WDR41: variants seen among roughly 807,000 people sequenced by gnomAD.
WDR41 encodes the protein WD repeat domain 41.
WDR41 carries 63 observed loss-of-function variants against 69.3 expected under a neutral mutation model. The ratio of observed to expected loss-of-function variants is 0.91; its 90% CI spans 0.74 to 1.12. The LOEUF (loss-of-function observed/expected upper bound fraction) is 1.12, where lower values mean the gene tolerates loss of function less well. WDR41 is among the 50% of genes most tolerant of loss of function. The probability of loss-of-function intolerance (pLI) is 0.00; values close to 1 mark genes in which losing one functional copy is unlikely to be tolerated. For missense variants in WDR41, 543 were observed against 534.5 expected (o/e 1.02, Z -0.16); for synonymous variants, 185 against 192.1 (o/e 0.96, Z 0.31).
chr5:77,608,622 G>A (rs981403596), intron 1 of WDR41, among the ~76,000 whole-genome samples: 2 of 152,322 alleles, frequency 1.3e-5, no homozygotes, highest in South Asian at 2.1e-4. Flanking sequence ...TTATTGGATG[G>A]TGCTCTTCTG....
At chr5:77,584,372 G>A (rs752941356) in intron 1 of WDR41, among the ~76,000 whole-genome samples, 34 of 152,130 alleles carry the variant, frequency 2.2e-4, no homozygotes, top group Non-Finnish European at 2.5e-4. Context: ...ATTAAAACTC[G>A]TAAATGAGTT....
At chr5:77,465,769 C>T (rs1800279351) in intron 2 of WDR41, among the ~76,000 whole-genome samples, 1 of 150,944 alleles carries the variant, frequency 6.6e-6, no homozygotes, top group Non-Finnish European at 1.5e-5. Context: ...TAAAGAGAGC[C>T]AGCTATGAAT....
chr5:77,478,806 G>C (rs946195599), intron 2 of WDR41, among the ~76,000 whole-genome samples: 1 of 151,162 alleles, frequency 6.6e-6, no homozygotes. Context: ...ATTCAACATA[G>C]TGTTGGAAGT....
chr5:77,615,875 C>A (rs1279678600), intron 1 of WDR41, among the ~76,000 whole-genome samples: 5 of 151,912 alleles, frequency 3.3e-5, no homozygotes, highest in Admixed American at 2.0e-4. Context: ...TGCCTGTAAT[C>A]CCAGATACTC....
At chr5:77,542,540 A>G (rs1446068382) in intron 1 of WDR41, among the ~76,000 whole-genome samples, 1 of 152,264 alleles carries the variant, frequency 6.6e-6, no homozygotes, top group Non-Finnish European at 1.5e-5. Context: ...AATAAAAATG[A>G]AAAGGTTTTG....
chr5:77,455,415 G>C (rs1485782550), intron 5 of WDR41, among the ~76,000 whole-genome samples: 1 of 152,064 alleles, frequency 6.6e-6, no homozygotes, highest in African/African-American at 2.4e-5. Flanking sequence ...CTCCAATTCT[G>C]TATGTTGTCT....
chr5:77,490,735 G>T lies in WDR41; in HGVS notation c.52-1163C>A, dbSNP rs78554962. 3.7e-4 allele frequency among the ~76,000 whole-genome samples: 56 copies of T among 152,206 alleles called. 1 individual carries two copies. The East Asian group carries it at 0.011, about 29-fold the overall frequency. On this transcript the variant is annotated intron_variant, in intron 1 of 12. Coordinates refer to ENST00000296679, the MANE Select transcript of WDR41 (RefSeq NM_018268.4). ...TGCCAGGAATGGGAGACCTGGTTAA[G>T]CAAATAACATGATTAACCAAAGAAC...
intron 2 of WDR41, among the ~76,000 whole-genome samples, chr5:77,475,544 C>T (rs1222966863): frequency 6.6e-6 from 1 of 152,118 alleles, no homozygotes; most frequent in African/African-American, 2.4e-5. Context: ...CTGGGAGGCA[C>T]CCCCCAGAAG....
At position 77,432,814 on chromosome 5, in the gene WDR41, G is replaced by A. The variant is rs983461046; in HGVS notation, c.*321C>T. On this transcript the variant is annotated 3_prime_UTR_variant, in exon 13 of 13. Transcript: ENST00000296679. Reference sequence around the variant, plus strand: ...CCAAATAATAAAACTTCTAATAAATGCCATAACTTAACTATTACCTCTATT... The same window carrying A: ...CCAAATAATAAAACTTCTAATAAATACCATAACTTAACTATTACCTCTATT... 3 of 188,876 alleles carry A rather than the reference G, an allele frequency of 1.6e-5. No homozygotes were observed. The highest frequency in any genetic ancestry group is 3.2e-5 in the Non-Finnish European group (3 of 93,146). 11.7% of individuals were successfully genotyped at this position (188,876 alleles called of 1,614,324 possible).
intron 12 of WDR41, among the ~76,000 whole-genome samples, chr5:77,433,977 T>G (rs1287477948): frequency 6.6e-6 from 1 of 151,356 alleles, no homozygotes; most frequent in African/African-American, 2.4e-5. Flanking sequence ...GGGTGAAGAG[T>G]TGTATCAGAA....
At chr5:77,502,804 A>G (rs1419335425) in intron 1 of WDR41, among the ~76,000 whole-genome samples, 1 of 152,226 alleles carries the variant, frequency 6.6e-6, no homozygotes, top group Non-Finnish European at 1.5e-5. Flanking sequence ...TCCCTTACAG[A>G]CAGGCAAATG....
chr5:77,544,699 T>C (rs962920965), intron 1 of WDR41, among the ~76,000 whole-genome samples: 1 of 151,984 alleles, frequency 6.6e-6, no homozygotes, highest in Admixed American at 6.6e-5. Context: ...AGAAATGAGA[T>C]AGACAGCAAC....
At chr5:77,614,133 A>C in intron 1 of WDR41, among the ~76,000 whole-genome samples, 1 of 150,142 alleles carries the variant, frequency 6.7e-6, no homozygotes, top group South Asian at 2.1e-4. Context: ...AATCATTAAA[A>C]AGTCAGGAAA....
chr5:77,546,016 C>A, intron 1 of WDR41: 1 of 507,120 alleles, frequency 2.0e-6, no homozygotes. Context: ...CCCCTGTGCC[C>A]AAGAAGCTGC....
intron 2 of WDR41, among the ~76,000 whole-genome samples, chr5:77,487,096 G>A (rs1405486356): frequency 3.3e-5 from 5 of 152,210 alleles, no homozygotes; most frequent in African/African-American, 1.2e-4. Flanking sequence ...GAATAGCCAA[G>A]AGGATATTTC....
chr5:77,558,104 AAAAAAAAAAAAAC>A (rs914554517), intron 1 of WDR41, among the ~76,000 whole-genome samples: 4 of 149,970 alleles, frequency 2.7e-5, no homozygotes, highest in East Asian at 3.9e-4. Flanking sequence ...TAAAAAAAAA[AAAAAAAAAAAAAC>A]AAAACAGGAG....
intron 1 of WDR41, among the ~76,000 whole-genome samples, chr5:77,547,824 A>G (rs866978189): frequency 1.6e-4 from 24 of 152,186 alleles, no homozygotes; most frequent in Non-Finnish European, 7.3e-5. Flanking sequence ...CTCATGGCCA[A>G]AGCAAGGCTA....
intron 1 of WDR41, among the ~76,000 whole-genome samples, chr5:77,606,854 C>T (rs965151940): frequency 1.5e-4 from 22 of 147,636 alleles, no homozygotes; most frequent in Admixed American, 4.8e-4. Flanking sequence ...AATGGGATAT[C>T]ATGAGGCTTG....
chr5:77,566,342 T>A (rs1191717721), intron 1 of WDR41, among the ~76,000 whole-genome samples: 1 of 152,190 alleles, frequency 6.6e-6, no homozygotes, highest in African/African-American at 2.4e-5. Flanking sequence ...CTCACTGTCC[T>A]GTATGTCGTT....
Sources: gnomAD v4.1 joint callset for allele counts (sites outside exome capture counted in the v4.1 genomes callset) on GRCh38, gnomAD v4.1.1 for gene constraint, MANE v1.5 for transcripts, NCBI Gene and HGNC (gene_info 2026-07-23, HGNC 2026-07-21) for gene names.